The following PLAAT3 variants were observed in gnomAD, a reference collection of about 807,000 sequenced individuals.
The protein encoded by PLAAT3 is phospholipase A and acyltransferase 3, also known as Ca-independent phospholipase A1/2.
In PLAAT3, 21 loss-of-function variants were observed where a neutral mutation model predicts 16.7. The observed-to-expected ratio is 1.26, with a 90% CI of 0.89 to 1.81. The LOEUF (loss-of-function observed/expected upper bound fraction) is 1.81. PLAAT3 is among the 40% of genes most tolerant of loss of function. The pLI is 0.00. For missense variants in PLAAT3, 219 were observed against 213.7 expected, an observed-to-expected ratio of 1.02 and a Z score of -0.16; for synonymous variants, 76 against 81.7, an observed-to-expected ratio of 0.93 and a Z score of 0.38.
upstream of PLAAT3, among the ~76,000 whole-genome samples, chr11:63,615,564 TAGA>T (rs751207193): frequency 5.9e-5 from 9 of 152,014 alleles, no homozygotes; most frequent in Non-Finnish European, 1.0e-4. Flanking sequence ...TTCCTTATAC[TAGA>T]AGAAAAAGCA....
At chr11:63,615,146 G>A (rs112767219), upstream of PLAAT3, among the ~76,000 whole-genome samples, 2,045 of 9,852 alleles carry the variant, frequency 0.21, 486 homozygotes, top group Middle Eastern at 0.5. Flanking sequence ...ATGTGTATAT[G>A]TGTGTATATA....
At chr11:63,613,140 G>C (rs1030623880) in intron 2 of PLAAT3, among the ~76,000 whole-genome samples, 2 of 152,190 alleles carry the variant, frequency 1.3e-5, no homozygotes, top group Non-Finnish European at 2.9e-5. Flanking sequence ...GGCAGGGCTC[G>C]GTGGCTCACG....
At chr11:63,593,971 A>G (rs887539660) in intron 3 of PLAAT3, among the ~76,000 whole-genome samples, 1 of 152,204 alleles carries the variant, frequency 6.6e-6, no homozygotes, top group Non-Finnish European at 1.5e-5. Flanking sequence ...GCCAGAAGTG[A>G]CACTGCCACC....
chr11:63,586,488 T>G (rs1937982504), intron 4 of PLAAT3, among the ~76,000 whole-genome samples: 1 of 152,196 alleles, frequency 6.6e-6, no homozygotes, highest in South Asian at 2.1e-4. Flanking sequence ...AATGAGATGA[T>G]TAGGATATAT....
rs760182104 is a variant in PLAAT3, at chr11:63,614,058, T to C, written c.-44A>G. ...CCCTCAAGGCCAGGCTCGATTTCGCTGCGTAGATGTCTGAGGCAGGGGGAG... is the reference window on the plus strand; with the variant it reads ...CCCTCAAGGCCAGGCTCGATTTCGCCGCGTAGATGTCTGAGGCAGGGGGAG... On this transcript the variant is annotated 5_prime_UTR_variant, in exon 2 of 5. Coordinates refer to ENST00000415826, the MANE Select transcript of PLAAT3 (RefSeq NM_001128203.2). 1 of 1,613,364 alleles carries C rather than the reference T, an allele frequency of 6.2e-7. No homozygotes were observed. Among genetic ancestry groups the C allele is most frequent in the East Asian group, 2.2e-5 (1 of 44,812 alleles).
chr11:63,600,587 T>TTTTTTTTTTG (rs1555045456), intron 2 of PLAAT3, among the ~76,000 whole-genome samples: 4 of 148,438 alleles, frequency 2.7e-5, no homozygotes, highest in South Asian at 4.3e-4. Flanking sequence ...TTTTTTGTTT[T>TTTTTTTTTTG]TTTTGTTTTG....
intron 4 of PLAAT3, among the ~76,000 whole-genome samples, chr11:63,586,283 G>A (rs1040373523): frequency 2.0e-5 from 3 of 152,170 alleles, no homozygotes; most frequent in South Asian, 4.2e-4. Flanking sequence ...GCAGGTGCCC[G>A]CCATCACACC....
At chr11:63,604,251 G>T (rs985930467) in intron 2 of PLAAT3, among the ~76,000 whole-genome samples, 1 of 152,076 alleles carries the variant, frequency 6.6e-6, no homozygotes, top group African/African-American at 2.4e-5. Flanking sequence ...AACAGTGCGT[G>T]GTTGGGATTC....
intron 2 of PLAAT3, among the ~76,000 whole-genome samples, chr11:63,611,329 T>A (rs1160005056): frequency 6.6e-6 from 1 of 152,208 alleles, no homozygotes; most frequent in Non-Finnish European, 1.5e-5. Context: ...CTTTTATTAC[T>A]ACCATGTGCT....
chr11:63,586,762 A>G (rs1206573721), intron 4 of PLAAT3, among the ~76,000 whole-genome samples: 3 of 152,150 alleles, frequency 2.0e-5, no homozygotes, highest in Non-Finnish European at 4.4e-5. Context: ...TAAATCTGTC[A>G]ATAAATGTTC....
upstream of PLAAT3, among the ~76,000 whole-genome samples, chr11:63,615,034 A>ATATATATATATG (rs1490480530): frequency 0.045 from 1,257 of 28,034 alleles, 186 homozygotes; most frequent in Non-Finnish European, 0.086. Context: ...ATATGTGTGT[A>ATATATATATATG]TATATATGTA....
intron 4 of PLAAT3, among the ~76,000 whole-genome samples, chr11:63,585,625 G>A (rs1260047407): frequency 6.6e-6 from 1 of 152,176 alleles, no homozygotes; most frequent in Non-Finnish European, 1.5e-5. Flanking sequence ...GAAATCTTTA[G>A]AAGCAGTAGA....
chr11:63,578,769 C>G (rs1217577122), intron 4 of PLAAT3, among the ~76,000 whole-genome samples: 3 of 151,480 alleles, frequency 2.0e-5, no homozygotes, highest in African/African-American at 7.3e-5. Flanking sequence ...CATAAAAACC[C>G]TAGAAGAAAA....
At chr11:63,605,357 C>T (rs1327716537) in intron 2 of PLAAT3, among the ~76,000 whole-genome samples, 3 of 151,992 alleles carry the variant, frequency 2.0e-5, no homozygotes, top group Non-Finnish European at 4.4e-5. Context: ...AAGATCACGC[C>T]ATTGTACTCC....
intron 2 of PLAAT3, among the ~76,000 whole-genome samples, chr11:63,609,213 C>T (rs778576666): frequency 2.0e-5 from 3 of 152,328 alleles, no homozygotes; most frequent in Non-Finnish European, 2.9e-5. Context: ...TCACTTCTGA[C>T]GCCCTGGGGG....
At chr11:63,589,161 A>T (rs956500939) in intron 4 of PLAAT3, among the ~76,000 whole-genome samples, 1 of 151,796 alleles carries the variant, frequency 6.6e-6, no homozygotes, top group Non-Finnish European at 1.5e-5. Flanking sequence ...AGGGAGCTGG[A>T]CTAACTCTCC....
intron 2 of PLAAT3, among the ~76,000 whole-genome samples, chr11:63,603,576 A>G (rs192120911): frequency 1.3e-5 from 2 of 152,034 alleles, no homozygotes; most frequent in African/African-American, 4.8e-5. Flanking sequence ...GCACACTTTT[A>G]CCTTTGTGAC....
rs578164957 is a variant in PLAAT3 at position 63,576,032 on chromosome 11, G to T, written c.388-986C>A. Among the ~76,000 whole-genome samples, 74 of 152,296 alleles carry T rather than the reference G, an allele frequency of 4.9e-4. 1 individual carries two copies. The South Asian group carries it at 0.015, about 30-fold the overall frequency. On this transcript the variant is annotated intron_variant, in intron 4 of 4. Transcript: ENST00000415826. ...TATCATACCACAAACAAGGGATTGA[G>T]AGATTGTAAACATGCTAAATGTGAG...
intron 3 of PLAAT3, among the ~76,000 whole-genome samples, chr11:63,596,367 C>T (rs1454186957): frequency 6.6e-6 from 1 of 151,746 alleles, no homozygotes; most frequent in Non-Finnish European, 1.5e-5. Flanking sequence ...CGGTCCCCAA[C>T]CTTTTTAGCA....
Sources: allele counts gnomAD v4.1 joint callset (sites outside exome capture counted in the v4.1 genomes callset), GRCh38; gene constraint gnomAD v4.1.1; transcripts MANE v1.5; gene names NCBI Gene and HGNC (gene_info 2026-07-23, HGNC 2026-07-21).